Variants in RHD observed in about 807,000 individuals in gnomAD.
RHD encodes Rh blood group D antigen, also known as blood group Rh(D) polypeptide.
Under a neutral mutation model 45.5 loss-of-function variants are expected in RHD, and 16 were observed. The observed-to-expected ratio is 0.35, with a 90% CI of 0.24 to 0.53. The LOEUF is 0.53. RHD is among the 20% of genes least tolerant of loss of function. RHD has a pLI of 0.92. For missense variants in RHD, 306 were observed against 532.0 expected (o/e 0.58, Z 4.18); for synonymous variants, 131 against 217.5 (o/e 0.60, Z 3.50).
chr1:25,305,080 G>C (rs1193950252), intron 6 of RHD, among the ~76,000 whole-genome samples: 6 of 132,942 alleles, frequency 4.5e-5, no homozygotes, highest in South Asian at 2.3e-4. Flanking sequence ...AGAACAGCAA[G>C]AGGGCACATC....
At chr1:25,274,614 A>C (rs1278786861) in intron 1 of RHD, among the ~76,000 whole-genome samples, 3 of 133,440 alleles carry the variant, frequency 2.2e-5, no homozygotes, top group East Asian at 3.9e-4. Context: ...GGGACAAAGG[A>C]GGGTCATCCA....
At chr1:25,307,565 A>ATCTCC (rs1456249756) in intron 7 of RHD, 2 of 615,666 alleles carry the variant, frequency 3.2e-6, no homozygotes, top group Admixed American at 4.8e-5. Context: ...TATATGCATT[A>ATCTCC]TCTCCTTGAA....
chr1:25,322,558 A>G lies in RHD; in HGVS notation c.1227+596A>G, dbSNP rs571660413. Among the ~76,000 whole-genome samples the G allele has an allele frequency of 3.8e-5, 5 of 132,660 alleles. 1 individual carries two copies. The highest frequency in any genetic ancestry group is 2.0e-4 in the East Asian group (1 of 5,092). The allele number at this position is 132,660 out of a possible 152,430, so 87.0% of individuals were successfully genotyped here. ...TGTGGTGGCACATGCCTGTAATCCCAGTTACTCAGGAGGCTGAGGCAGGAG... is the reference window on the plus strand; with the variant it reads ...TGTGGTGGCACATGCCTGTAATCCCGGTTACTCAGGAGGCTGAGGCAGGAG... On this transcript the variant is annotated intron_variant, in intron 9 of 9. Coordinates refer to ENST00000328664, the MANE Select transcript of RHD (RefSeq NM_016124.6).
At position 25,290,591 on chromosome 1, in the gene RHD, G is replaced by A. The variant is rs1557528272; in HGVS notation, c.336-50G>A. On this transcript the variant is annotated intron_variant, in intron 2 of 9. Coordinates refer to ENST00000328664, the MANE Select transcript of RHD (RefSeq NM_016124.6). ...TGAATGAATGAATGAATGAATGAGT[G>A]AGAGGCATCCTTCCTTCTCAGTCGT... The A allele has an allele frequency of 1.6e-6, 2 of 1,257,496 alleles. 1 individual carries two copies. The highest frequency in any genetic ancestry group is 2.3e-6 in the Non-Finnish European group (2 of 866,186). 77.9% of individuals were successfully genotyped at this position (1,257,496 alleles called of 1,614,324 possible).
rs543999128 is a variant in RHD at position 25,314,786 on chromosome 1, G to T, written c.1074-2214G>T. 2.3e-5 allele frequency among the ~76,000 whole-genome samples: 3 copies of T among 131,942 alleles called. 1 individual carries two copies. The East Asian group carries it at 5.9e-4, about 26-fold the overall frequency. 86.6% of individuals were successfully genotyped at this position (131,942 alleles called of 152,430 possible). ...CCCAAAGTGCCAGGATTACAGGTGTGAGCCACCATGCCCAGCCCACCTTTT... is the reference window on the plus strand; with the variant it reads ...CCCAAAGTGCCAGGATTACAGGTGTTAGCCACCATGCCCAGCCCACCTTTT... On this transcript the variant is annotated intron_variant, in intron 7 of 9. Transcript: ENST00000328664.
chr1:25,279,293 C>T (rs557736740), intron 1 of RHD, among the ~76,000 whole-genome samples: 3 of 128,140 alleles, frequency 2.3e-5, no homozygotes, highest in South Asian at 2.4e-4. Flanking sequence ...CATGAGCCAG[C>T]GAGCTCAATG....
At chr1:25,285,088 C>T (rs1310822594) in intron 2 of RHD, among the ~76,000 whole-genome samples, 7 of 133,066 alleles carry the variant, frequency 5.3e-5, no homozygotes, top group Middle Eastern at 4.2e-3. Flanking sequence ...GAAGGAAACA[C>T]GTTAGACAGA....
chr1:25,284,553 G>A lies in RHD; in HGVS notation c.149-20G>A, dbSNP rs747381815. On this transcript the variant is annotated intron_variant, in intron 1 of 9. Transcript: ENST00000328664. The stretch of plus-strand genomic sequence containing the variant: ...CGTCTGCTTCCCCCTCGTCCTTCTC[G>A]CCATCTCCCCACCGAGCAGTTGGCC... The A allele has an allele frequency of 7.2e-5, 100 of 1,387,498 alleles. 14 individuals carry two copies. Among genetic ancestry groups the A allele is most frequent in the African/African-American group, 3.2e-4 (23 of 71,268 alleles). 85.9% of individuals were successfully genotyped at this position (1,387,498 alleles called of 1,614,324 possible).
chr1:25,288,755 ACTGT>A (rs1212504964), intron 2 of RHD, among the ~76,000 whole-genome samples: 2 of 125,902 alleles, frequency 1.6e-5, no homozygotes, highest in African/African-American at 5.5e-5. Context: ...ACTGCACATC[ACTGT>A]CTTAGCACCT....
intron 1 of RHD, among the ~76,000 whole-genome samples, chr1:25,283,129 A>G (rs2124616420): frequency 7.6e-6 from 1 of 132,446 alleles, no homozygotes; most frequent in South Asian, 2.3e-4. Flanking sequence ...TGGCAACCTA[A>G]TGAAGGAGTA....
chr1:25,302,350 G>A (rs1166363397), intron 5 of RHD, among the ~76,000 whole-genome samples: 1 of 128,818 alleles, frequency 7.8e-6, no homozygotes, highest in African/African-American at 2.7e-5. Flanking sequence ...GGTGTCGGAG[G>A]GAAGTCTGGA....
intron 7 of RHD, among the ~76,000 whole-genome samples, chr1:25,311,916 C>A (rs1644170805): frequency 7.6e-6 from 1 of 131,100 alleles, no homozygotes. Context: ...CTGTGAACAG[C>A]CACCCCAGAG....
In RHD at chr1:25,280,162, TG is replaced by T. The variant is rs1463687448; in HGVS notation, c.149-4410del. Among the ~76,000 whole-genome samples the T allele has an allele frequency of 3.1e-5, 4 of 128,654 alleles. 1 individual carries two copies. Among genetic ancestry groups the T allele is most frequent in the African/African-American group, 1.1e-4 (4 of 36,938 alleles). The allele number at this position is 128,654 out of a possible 152,430, so 84.4% of individuals were successfully genotyped here. A position where few individuals can be genotyped will look rare whatever the true frequency, so the allele number is the denominator to read the frequency against. On this transcript the variant is annotated intron_variant, in intron 1 of 9. Coordinates refer to ENST00000328664, the MANE Select transcript of RHD (RefSeq NM_016124.6). Reference sequence around the variant, plus strand: ...GCTGCCCTAATTTCATCTTGTTGGCTGAGGCACAATTCCTCTCTCAGGGACA... The same window carrying T: ...GCTGCCCTAATTTCATCTTGTTGGCTAGGCACAATTCCTCTCTCAGGGACA...
rs1353437873 is a variant in RHD at position 25,300,724 on chromosome 1, G to A, written c.487-222G>A. Among the ~76,000 whole-genome samples the A allele has an allele frequency of 9.1e-5, 12 of 131,592 alleles. 4 individuals carry two copies. The highest frequency in any genetic ancestry group is 4.6e-4 in the South Asian group (2 of 4,322). The allele number at this position is 131,592 out of a possible 152,430, so 86.3% of individuals were successfully genotyped here. On this transcript the variant is annotated intron_variant, in intron 3 of 9. Coordinates refer to ENST00000328664, the MANE Select transcript of RHD (RefSeq NM_016124.6). ...CTAGGGAAGCTGAGGCAGGAGAATC[G>A]CGTGAACCTGGGAGGCAAATGTTCC...
chr1:25,319,475 G>C (rs1644583486), intron 8 of RHD, among the ~76,000 whole-genome samples: 1 of 132,072 alleles, frequency 7.6e-6, no homozygotes, highest in Non-Finnish European at 1.8e-5. Context: ...GCCAGGCGTG[G>C]TGGTACACCT....
chr1:25,291,211 G>A lies in RHD; in HGVS notation c.486+420G>A, dbSNP rs1259420008. ...AGGCTGGGTACAGTGGCTCACACCT[G>A]TAATCCCAGCACTTTGGGAGGCCAA... On this transcript the variant is annotated intron_variant, in intron 3 of 9. Transcript: ENST00000328664. 5.4e-5 allele frequency among the ~76,000 whole-genome samples: 7 copies of A among 130,608 alleles called. 3 individuals are homozygous for A. Among genetic ancestry groups the A allele is most frequent in the Non-Finnish European group, 1.3e-4 (7 of 55,450 alleles). 85.7% of individuals were successfully genotyped at this position (130,608 alleles called of 152,430 possible). A position where few individuals can be genotyped will look rare whatever the true frequency, so the allele number is the denominator to read the frequency against.
chr1:25,290,628 C>T lies in RHD; in HGVS notation c.336-13C>T, dbSNP rs374216672. 2.0e-5 allele frequency: 27 copies of T among 1,372,900 alleles called. 5 individuals carry two copies. The highest frequency in any genetic ancestry group is 9.0e-5 in the East Asian group (4 of 44,670). The allele number at this position is 1,372,900 out of a possible 1,614,324, so 85.0% of individuals were successfully genotyped here. ...TCCTTCTCAGTCGTCCTGGCTCTCC[C>T]TCTCTCCCCCAGTATTCGGCTGGCC... is the stretch of plus-strand genomic sequence containing the variant. On this transcript the variant is annotated splice_polypyrimidine_tract_variant and intron_variant, in intron 2 of 9. Coordinates refer to ENST00000328664, the MANE Select transcript of RHD (RefSeq NM_016124.6).
chr1:25,299,248 G>A (rs1643192666), intron 3 of RHD, among the ~76,000 whole-genome samples: 1 of 129,090 alleles, frequency 7.7e-6, no homozygotes, highest in Admixed American at 7.5e-5. Context: ...CGGGCACGGT[G>A]GTGGGTGCCT....
intron 3 of RHD, among the ~76,000 whole-genome samples, chr1:25,291,425 C>T (rs1256223473): frequency 1.5e-5 from 2 of 131,514 alleles, no homozygotes; most frequent in African/African-American, 5.2e-5. Flanking sequence ...ACCGAGATCG[C>T]GCCATTGCAC....
Sources: gnomAD v4.1 joint callset for allele counts (sites outside exome capture counted in the v4.1 genomes callset) on GRCh38, gnomAD v4.1.1 for gene constraint, MANE v1.5 for transcripts, NCBI Gene and HGNC (gene_info 2026-07-23, HGNC 2026-07-21) for gene names.